Variants in GRID2 observed in about 807,000 individuals in gnomAD.
GRID2 encodes glutamate ionotropic receptor delta type subunit 2, also known as glutamate receptor ionotropic, delta-2.
In GRID2, 33 loss-of-function variants were observed where a neutral mutation model predicts 114.8. The observed-to-expected ratio is 0.29, with a 90% CI of 0.22 to 0.38. The LOEUF (loss-of-function observed/expected upper bound fraction) is 0.38. Among genes scored for constraint, GRID2 ranks in the 10% least tolerant of loss-of-function variants. The probability of loss-of-function intolerance (pLI) is 1.00; values close to 1 mark genes in which losing one functional copy is unlikely to be tolerated. For missense variants in GRID2, 1,184 were observed against 1,257.7 expected (o/e 0.94, Z 0.89); for synonymous variants, 505 against 449.9 (o/e 1.12, Z -1.55).
chr4:93,588,263 T>C (rs1290182730), intron 13 of GRID2, among the ~76,000 whole-genome samples: 1 of 152,134 alleles, frequency 6.6e-6, no homozygotes, highest in Non-Finnish European at 1.5e-5. Flanking sequence ...TATTTTTAAA[T>C]GAATAAGCTA....
intron 2 of GRID2, among the ~76,000 whole-genome samples, chr4:92,938,543 G>A (rs2904464): frequency 0.25 from 36,719 of 144,882 alleles, 7,190 homozygotes; most frequent in Middle Eastern, 0.39. Context: ...ATTAAGATTA[G>A]TGGGAGGATT....
intron 1 of GRID2, among the ~76,000 whole-genome samples, chr4:92,515,784 CAG>C (rs914403600): frequency 1.0e-3 from 157 of 151,970 alleles, no homozygotes; most frequent in African/African-American, 3.6e-3. Flanking sequence ...CTGTGATTAA[CAG>C]AGAAAAAAAG....
chr4:93,097,949 C>A (rs1325717780), intron 3 of GRID2, among the ~76,000 whole-genome samples: 1 of 151,896 alleles, frequency 6.6e-6, no homozygotes, highest in Non-Finnish European at 1.5e-5. Flanking sequence ...ATGTCTACTG[C>A]ATAAGCACCA....
intron 1 of GRID2, among the ~76,000 whole-genome samples, chr4:92,318,997 T>C (rs1157690912): frequency 6.6e-6 from 1 of 152,152 alleles, no homozygotes; most frequent in Admixed American, 6.6e-5. Flanking sequence ...TTTGATGCTA[T>C]GAGAGGTGGT....
At chr4:92,565,946 C>T (rs981065984) in intron 1 of GRID2, among the ~76,000 whole-genome samples, 2 of 151,942 alleles carry the variant, frequency 1.3e-5, no homozygotes, top group African/African-American at 2.4e-5. Context: ...GTGGTTCTCT[C>T]CTCAGGGTAT....
chr4:92,729,283 G>A (rs1736214285), intron 2 of GRID2, among the ~76,000 whole-genome samples: 1 of 151,984 alleles, frequency 6.6e-6, no homozygotes, highest in Non-Finnish European at 1.5e-5. Context: ...GTAAGATCTA[G>A]GACATCTACT....
At chr4:92,784,959 T>C (rs775848190) in intron 2 of GRID2, among the ~76,000 whole-genome samples, 2 of 151,858 alleles carry the variant, frequency 1.3e-5, no homozygotes, top group Non-Finnish European at 2.9e-5. Context: ...AGTACTGCAG[T>C]AGCACTATTA....
chr4:92,751,138 A>G (rs1158678553), intron 2 of GRID2, among the ~76,000 whole-genome samples: 1 of 152,174 alleles, frequency 6.6e-6, no homozygotes, highest in African/African-American at 2.4e-5. Context: ...GTAAATAATC[A>G]AATGCAGTAG....
At chr4:93,789,386 TTTTG>T (rs1228271481) in intron 1 of GRID2, among the ~76,000 whole-genome samples, 10 of 152,352 alleles carry the variant, frequency 6.6e-5, no homozygotes, top group Admixed American at 5.2e-4. Flanking sequence ...AATTAGGTGT[TTTTG>T]TTTAAGTAAA....
intron 8 of GRID2, among the ~76,000 whole-genome samples, chr4:93,300,876 A>G (rs1449103121): frequency 1.3e-5 from 2 of 152,226 alleles, no homozygotes; most frequent in African/African-American, 2.4e-5. Flanking sequence ...CAGGGGCTGC[A>G]TGCACCGGTG....
chr4:93,396,827 G>T (rs996416999), intron 9 of GRID2, among the ~76,000 whole-genome samples: 1 of 151,904 alleles, frequency 6.6e-6, no homozygotes, highest in Non-Finnish European at 1.5e-5. Context: ...TGTCTAAATA[G>T]CCATAAACCA....
At chr4:93,198,950 T>C (rs1030664495) in intron 4 of GRID2, among the ~76,000 whole-genome samples, 1 of 152,202 alleles carries the variant, frequency 6.6e-6, no homozygotes, top group Non-Finnish European at 1.5e-5. Flanking sequence ...AACTAAGAAC[T>C]CATATTCATT....
intron 2 of GRID2, among the ~76,000 whole-genome samples, chr4:92,882,879 C>CT (rs1460930726): frequency 6.6e-6 from 1 of 152,132 alleles, no homozygotes; most frequent in Non-Finnish European, 1.5e-5. Flanking sequence ...AAGTACAAAT[C>CT]TTTTTACTGG....
intron 1 of GRID2, among the ~76,000 whole-genome samples, chr4:92,503,900 TGGA>T (rs1370600221): frequency 6.6e-6 from 1 of 152,022 alleles, no homozygotes; most frequent in Non-Finnish European, 1.5e-5. Context: ...AATGAAGAAC[TGGA>T]GGAGCTCAAG....
At chr4:93,377,867 A>T (rs1349110416) in intron 8 of GRID2, among the ~76,000 whole-genome samples, 1 of 152,122 alleles carries the variant, frequency 6.6e-6, no homozygotes, top group African/African-American at 2.4e-5. Context: ...AAAAAAAATG[A>T]ATCTTCTGAT....
chr4:93,352,316 T>C (rs1435990904), intron 8 of GRID2, among the ~76,000 whole-genome samples: 1 of 151,978 alleles, frequency 6.6e-6, no homozygotes, highest in East Asian at 1.9e-4. Flanking sequence ...GTATTATCTA[T>C]TTTAAAAAAC....
chr4:92,408,243 CA>C (rs936618704), intron 1 of GRID2, among the ~76,000 whole-genome samples: 10 of 151,940 alleles, frequency 6.6e-5, no homozygotes, highest in South Asian at 4.2e-4. Context: ...TGTTAAAGAT[CA>C]GATGGTTTTA....
intron 13 of GRID2, among the ~76,000 whole-genome samples, chr4:93,596,236 T>G (rs2149629053): frequency 6.6e-6 from 1 of 152,372 alleles, no homozygotes; most frequent in African/African-American, 2.4e-5. Flanking sequence ...CTTCTTAGGC[T>G]ATCGCTAATA....
intron 1 of GRID2, among the ~76,000 whole-genome samples, chr4:92,411,451 T>C (rs961818048): frequency 6.6e-6 from 1 of 151,868 alleles, no homozygotes; most frequent in Admixed American, 6.6e-5. Context: ...ATAAACTAAA[T>C]ATGTTACTTT....
Sources: allele counts gnomAD v4.1 joint callset (sites outside exome capture counted in the v4.1 genomes callset), GRCh38; gene constraint gnomAD v4.1.1; transcripts MANE v1.5; gene names NCBI Gene and HGNC (gene_info 2026-07-23, HGNC 2026-07-21).